UGT1A7: variants seen among roughly 807,000 people sequenced by gnomAD.
UGT1A7 encodes the protein UDP-glucuronosyltransferase 1A7.
UGT1A7 carries 33 observed loss-of-function variants against 45.6 expected under a neutral mutation model. The ratio of observed to expected loss-of-function variants is 0.72; its 90% CI spans 0.55 to 0.97. The LOEUF (loss-of-function observed/expected upper bound fraction) is 0.97. UGT1A7 is among the 50% of genes least tolerant of loss of function. The pLI is 0.00. For missense variants in UGT1A7, 684 were observed against 666.2 expected (o/e 1.03, Z -0.29); for synonymous variants, 274 against 250.6 (o/e 1.09, Z -0.88).
At chr2:233,687,961 T>G (rs760793244) in intron 1 of UGT1A7, among the ~76,000 whole-genome samples, 4 of 152,220 alleles carry the variant, frequency 2.6e-5, no homozygotes, top group Non-Finnish European at 5.9e-5. Context: ...AATTGATATG[T>G]AATTCATGTA....
intron 1 of UGT1A7, among the ~76,000 whole-genome samples, chr2:233,745,103 T>C (rs1575669883): frequency 2.6e-5 from 4 of 152,036 alleles, no homozygotes; most frequent in Middle Eastern, 3.4e-3. Flanking sequence ...CAAATATTTT[T>C]AATCTGCTGT....
rs144684818 is a variant in UGT1A7, at chr2:233,763,987, G to A, written c.856-3047G>A. On this transcript the variant is annotated intron_variant, in intron 1 of 4. Transcript: ENST00000373426. ...GATATATGTGGGTTACTGGGAATGC[G>A]TGATGGTGAAGTCACAGATGACCCA... 4.9e-3 allele frequency among the ~76,000 whole-genome samples: 743 copies of A among 152,304 alleles called. 10 individuals are homozygous for A. The highest frequency in any genetic ancestry group is 0.017 in the African/African-American group (695 of 41,566).
intron 3 of UGT1A7, 80 bp from the exon 4 acceptor site, chr2:233,768,140 A>G (rs573022476): frequency 9.8e-5 from 158 of 1,609,884 alleles, no homozygotes; most frequent in Non-Finnish European, 1.2e-4. Context: ...GAGTCTTTGG[A>G]GTGTTTTCAG....
In UGT1A7 at chr2:233,772,329, G is replaced by T; in HGVS notation, c.1363G>T (p.Ala455Ser). The change falls in exon 5 of 5, where the codon GCC becomes TCC. Residue 455 changes from alanine to serine, a missense_variant. Coordinates refer to ENST00000373426, the MANE Select transcript of UGT1A7 (RefSeq NM_019077.3). Reference protein sequence around the residue: ...KDRPVEPLDLAVFWVEFVMRH... With the variant: ...KDRPVEPLDLSVFWVEFVMRH... ...CCGCCCGGTGGAGCCGCTGGACCTG[G>T]CCGTGTTCTGGGTGGAGTTTGTGAT... 6.2e-7 allele frequency: 1 copy of T among 1,614,164 alleles called. No individual in the cohort carries two copies. The highest frequency in any genetic ancestry group is 8.5e-7 in the Non-Finnish European group (1 of 1,180,030).
Position 233,690,572 on chromosome 2 carries a change from C to CT in UGT1A7, c.855+7781dup, listed in dbSNP as rs776258044. The CT allele has an allele frequency of 3.1e-6, 4 of 1,288,646 alleles. No individual in the cohort carries two copies. In the South Asian group the frequency reaches 3.7e-5, roughly 12 times the overall value. 79.8% of individuals were successfully genotyped at this position (1,288,646 alleles called of 1,614,324 possible). On this transcript the variant is annotated intron_variant, in intron 1 of 4. Coordinates refer to ENST00000373426, the MANE Select transcript of UGT1A7 (RefSeq NM_019077.3). ...ATGTCCCAAGCCTGAGTCATTCAGC[C>CT]TGCAGCAATCCCTGAGAAAAAAAAA...
At chr2:233,753,617 T>A (rs7608038) in intron 1 of UGT1A7, 1 of 152,200 alleles carries the variant, frequency 6.6e-6, no homozygotes, top group African/African-American at 2.4e-5. Flanking sequence ...AGGTCTTCAT[T>A]TGGGGCATAA....
intron 1 of UGT1A7, among the ~76,000 whole-genome samples, chr2:233,751,914 C>A (rs1246513527): frequency 6.6e-6 from 1 of 152,060 alleles, no homozygotes; most frequent in Non-Finnish European, 1.5e-5. Context: ...CAGACTAATA[C>A]AAGATTGGTG....
intron 1 of UGT1A7, chr2:233,753,392 A>T (rs1289674788): frequency 6.6e-6 from 1 of 152,232 alleles, no homozygotes; most frequent in Non-Finnish European, 1.5e-5. Flanking sequence ...CTCTGAGGGT[A>T]CTAGAGCATA....
At chr2:233,747,932 G>C in intron 1 of UGT1A7, 1 of 1,613,428 alleles carries the variant, frequency 6.2e-7, no homozygotes, top group Non-Finnish European at 8.5e-7. Flanking sequence ...AGCTTTTTCA[G>C]AGGGAGGTGT....
rs527483899 is a variant in UGT1A7 at position 233,768,298 on chromosome 2, T to C, written c.1154T>C (p.Met385Thr). Reference sequence around the variant, plus strand: ...GAAAGCATATGCAATGGCGTTCCCATGGTGATGATGCCCTTGTTTGGTGAT... The same window carrying C: ...GAAAGCATATGCAATGGCGTTCCCACGGTGATGATGCCCTTGTTTGGTGAT... ...VYESICNGVP[M>T]VMMPLFGDQM... The change falls in exon 4 of 5, where the codon ATG becomes ACG. Residue 385 changes from methionine to threonine, a missense_variant. Physicochemically the swap from Met to Thr is moderately conservative, Grantham distance 81. Coordinates refer to ENST00000373426, the MANE Select transcript of UGT1A7 (RefSeq NM_019077.3). 2.2e-5 allele frequency: 35 copies of C among 1,614,192 alleles called. No individual in the cohort carries two copies. In the South Asian group the frequency reaches 3.4e-4, roughly 16 times the overall value.
intron 3 of UGT1A7, 40 bp from the exon 4 acceptor site, chr2:233,768,180 G>C: frequency 6.2e-7 from 1 of 1,613,956 alleles, no homozygotes; most frequent in Admixed American, 1.7e-5. Context: ...GTGAAACTCA[G>C]AGATGTAACT....
At chr2:233,716,242 C>T (rs116835228) in intron 1 of UGT1A7, among the ~76,000 whole-genome samples, 1,736 of 152,272 alleles carry the variant, frequency 0.011, 26 homozygotes, top group African/African-American at 0.04. Flanking sequence ...TTGTCCTGCC[C>T]GGACATCCAG....
In UGT1A7 at chr2:233,772,770, T is replaced by C. The variant is rs10929303; in HGVS notation, c.*211T>C. 0.78 allele frequency: 1,055,817 copies of C among 1,348,090 alleles called. 415,213 individuals are homozygous for C. Among genetic ancestry groups the C allele is most frequent in the East Asian group, 0.89 (34,131 of 38,366 alleles). The allele number at this position is 1,348,090 out of a possible 1,614,324, so 83.5% of individuals were successfully genotyped here. ...ATTTGAATATGTATCGTGCCCCCTC[T>C]GGTGTCTTTGATCAGGATGACATGT... On this transcript the variant is annotated 3_prime_UTR_variant, in exon 5 of 5. Transcript: ENST00000373426.
chr2:233,718,702 T>C (rs904899091), intron 1 of UGT1A7: 3 of 1,600,624 alleles, frequency 1.9e-6, no homozygotes, highest in African/African-American at 2.7e-5. Context: ...GGGCACTTTG[T>C]CTTCCAATTA....
chr2:233,717,929 C>T, intron 1 of UGT1A7: 1 of 454,714 alleles, frequency 2.2e-6, no homozygotes, highest in Non-Finnish European at 4.4e-6. Context: ...ATGGATACTT[C>T]AGTCTCTATG....
intron 1 of UGT1A7, among the ~76,000 whole-genome samples, 177 bp from the exon 2 acceptor site, chr2:233,766,857 A>C (rs1004098004): frequency 1.3e-5 from 2 of 152,224 alleles, no homozygotes; most frequent in Non-Finnish European, 2.9e-5. Flanking sequence ...CTTTAGAAGG[A>C]AGTAAAGGAG....
intron 1 of UGT1A7, among the ~76,000 whole-genome samples, chr2:233,728,297 G>C (rs1288771373): frequency 6.6e-6 from 1 of 152,214 alleles, no homozygotes; most frequent in Non-Finnish European, 1.5e-5. Context: ...GAGGAATTCA[G>C]ACTGTGCAAG....
In UGT1A7 at chr2:233,729,814, C is replaced by T. The variant is rs776482922; in HGVS notation, c.856-37220C>T. The T allele has an allele frequency of 2.5e-6, 4 of 1,613,896 alleles. No homozygotes were observed. In the South Asian group the frequency reaches 3.3e-5, roughly 13 times the overall value. The stretch of plus-strand genomic sequence containing the variant: ...CTACATTTGCCATGCTTTTTCTGCT[C>T]CTTATGCAAGCCTTGCCTCTGAGCT... On this transcript the variant is annotated intron_variant, in intron 1 of 4. Coordinates refer to ENST00000373426, the MANE Select transcript of UGT1A7 (RefSeq NM_019077.3).
intron 1 of UGT1A7, among the ~76,000 whole-genome samples, chr2:233,765,711 TTAATAA>T (rs10664358): frequency 2.7e-5 from 4 of 149,240 alleles, no homozygotes; most frequent in African/African-American, 7.4e-5. Context: ...ATAATAATAA[TTAATAA>T]TAATAATAAT....
Sources: gnomAD v4.1 joint callset for allele counts (sites outside exome capture counted in the v4.1 genomes callset) on GRCh38, gnomAD v4.1.1 for gene constraint, MANE v1.5 for transcripts, NCBI Gene and HGNC (gene_info 2026-07-23, HGNC 2026-07-21) for gene names.